Variants in MTHFD1L observed in about 807,000 individuals in gnomAD.
MTHFD1L encodes the protein methylenetetrahydrofolate dehydrogenase (NADP+ dependent) 1 like.
Under a neutral mutation model 119.5 loss-of-function variants are expected in MTHFD1L, and 81 were observed. The ratio of observed to expected loss-of-function variants is 0.68; its 90% CI spans 0.57 to 0.82. MTHFD1L has a LOEUF of 0.82. MTHFD1L is among the 40% of genes least tolerant of loss of function. The pLI, the probability that MTHFD1L is intolerant of heterozygous loss-of-function variation, is 0.00. For missense variants in MTHFD1L, 1,125 were observed against 1,253.4 expected (o/e 0.90, Z 1.55); for synonymous variants, 430 against 475.2 (o/e 0.90, Z 1.24).
chr6:151,065,188 C>G (rs1791102691), intron 26 of MTHFD1L, among the ~76,000 whole-genome samples: 1 of 152,158 alleles, frequency 6.6e-6, no homozygotes. Flanking sequence ...GCATGCCACT[C>G]CAGTCTGACA....
chr6:150,952,797 C>T (rs887887499), intron 16 of MTHFD1L, among the ~76,000 whole-genome samples: 4 of 152,190 alleles, frequency 2.6e-5, no homozygotes, highest in Middle Eastern at 3.4e-3. Flanking sequence ...CGAAGTGCTG[C>T]GATTACAGGC....
intron 19 of MTHFD1L, among the ~76,000 whole-genome samples, chr6:150,967,589 C>G (rs1184853470): frequency 6.6e-6 from 1 of 152,212 alleles, no homozygotes; most frequent in Non-Finnish European, 1.5e-5. Context: ...TTCCTTCCAG[C>G]TCGCTGCTTC....
chr6:151,009,823 C>G lies in MTHFD1L; in HGVS notation c.2130C>G (p.Thr710=), dbSNP rs761268026. Reference sequence around the variant, plus strand: ...ATTCCACTTGCTTCCCCACAGTGACCGAAGCTGGCTTTGGTGCTGACATCG... The same window carrying G: ...ATTCCACTTGCTTCCCCACAGTGACGGAAGCTGGCTTTGGTGCTGACATCG... ...KLVGEEGFVV[T]EAGFGADIGM... is the part of the protein sequence containing the mutation. Residue 710 remains threonine (T), a synonymous_variant, in exon 21 of 28, where the codon ACC becomes ACG. Coordinates refer to ENST00000367321, the MANE Select transcript of MTHFD1L (RefSeq NM_015440.5). The G allele has an allele frequency of 1.9e-5, 31 of 1,613,414 alleles. No individual in the cohort carries two copies. The highest frequency in any genetic ancestry group is 2.5e-5 in the Non-Finnish European group (30 of 1,179,766).
At chr6:150,984,775 T>A (rs1427622015) in intron 20 of MTHFD1L, among the ~76,000 whole-genome samples, 5 of 152,206 alleles carry the variant, frequency 3.3e-5, no homozygotes, top group African/African-American at 1.2e-4. Flanking sequence ...TCTTACAATC[T>A]GTCTTTCAAA....
intron 8 of MTHFD1L, among the ~76,000 whole-genome samples, chr6:150,910,495 G>A (rs1215966489): frequency 2.0e-5 from 3 of 151,296 alleles, no homozygotes; most frequent in East Asian, 3.9e-4. Flanking sequence ...CCCAGGAGGT[G>A]GAGGTTACGG....
At chr6:151,019,012 C>T (rs999284924) in intron 24 of MTHFD1L, among the ~76,000 whole-genome samples, 12 of 152,310 alleles carry the variant, frequency 7.9e-5, no homozygotes, top group African/African-American at 2.2e-4. Context: ...AGGTGTTCAG[C>T]GCAAAATAGA....
chr6:151,083,390 G>A (rs1012582408), intron 26 of MTHFD1L, among the ~76,000 whole-genome samples: 1 of 152,138 alleles, frequency 6.6e-6, no homozygotes, highest in Non-Finnish European at 1.5e-5. Flanking sequence ...TAGAGATGGA[G>A]TTTCACCATG....
At chr6:151,066,625 C>T (rs967067863) in intron 26 of MTHFD1L, among the ~76,000 whole-genome samples, 6 of 151,270 alleles carry the variant, frequency 4.0e-5, no homozygotes, top group South Asian at 2.1e-4. Flanking sequence ...ATTAGCCAGG[C>T]GTGGTGGCAG....
rs368573823 is a variant in MTHFD1L, at chr6:150,880,727, A to G, written c.418-2035A>G. On this transcript the variant is annotated intron_variant, in intron 4 of 27. Transcript: ENST00000367321. ...TAATCTGCATTCCCACCAACAGTGTACAAGAGCTCCCCTTTCCACATATCC... is the reference window on the plus strand; with the variant it reads ...TAATCTGCATTCCCACCAACAGTGTGCAAGAGCTCCCCTTTCCACATATCC... Among the ~76,000 whole-genome samples, 5 of 152,350 alleles carry G rather than the reference A, an allele frequency of 3.3e-5. No homozygotes were observed. The East Asian group carries it at 7.7e-4, about 23-fold the overall frequency.
chr6:150,920,198 G>C (rs2128891609), intron 9 of MTHFD1L, among the ~76,000 whole-genome samples: 1 of 152,322 alleles, frequency 6.6e-6, no homozygotes, highest in East Asian at 1.9e-4. Flanking sequence ...CTGTTTGTTA[G>C]AAGTAGATCA....
chr6:151,044,981 C>G (rs1787749555), intron 26 of MTHFD1L, among the ~76,000 whole-genome samples: 1 of 152,210 alleles, frequency 6.6e-6, no homozygotes, highest in African/African-American at 2.4e-5. Flanking sequence ...GTCCCCCTCC[C>G]TCTACTGTAA....
intron 11 of MTHFD1L, among the ~76,000 whole-genome samples, chr6:150,934,289 G>A (rs991450475): frequency 6.6e-6 from 1 of 152,146 alleles, no homozygotes; most frequent in Non-Finnish European, 1.5e-5. Context: ...TCCACTCTCA[G>A]TTTTATCTAG....
At chr6:150,940,155 G>A (rs148095749) in intron 13 of MTHFD1L, among the ~76,000 whole-genome samples, 199 of 152,244 alleles carry the variant, frequency 1.3e-3, no homozygotes, top group Non-Finnish European at 2.0e-3. Context: ...TGGCTGTGGC[G>A]AGTTGCGGGC....
rs1170553631 is a variant in MTHFD1L at position 151,043,258 on chromosome 6, C to CTTTTTTTTTTTTT, written c.2847+6153_2847+6165dup. Among the ~76,000 whole-genome samples, 3 of 78,886 alleles carry CTTTTTTTTTTTTT rather than the reference C, an allele frequency of 3.8e-5. 1 individual carries two copies. The highest frequency in any genetic ancestry group is 6.7e-5 in the Non-Finnish European group (3 of 44,630). 51.8% of individuals were successfully genotyped at this position (78,886 alleles called of 152,430 possible). On this transcript the variant is annotated intron_variant, in intron 26 of 27. Transcript: ENST00000367321. ...CTTCTTTCTTCTCACAGTGTTTTCT[C>CTTTTTTTTTTTTT]TTTTTTTTTTTTTTTTTTTTTTTTG...
intron 27 of MTHFD1L, among the ~76,000 whole-genome samples, chr6:151,094,602 G>C (rs1343465742): frequency 6.6e-6 from 1 of 152,028 alleles, no homozygotes; most frequent in Non-Finnish European, 1.5e-5. Context: ...GGAGTGCAGC[G>C]GCACTGTGTG....
intron 20 of MTHFD1L, among the ~76,000 whole-genome samples, chr6:150,981,677 T>G (rs1777519016): frequency 6.6e-6 from 1 of 152,216 alleles, no homozygotes; most frequent in South Asian, 2.1e-4. Context: ...CATAAACTAG[T>G]CCATGTTTAG....
intron 26 of MTHFD1L, among the ~76,000 whole-genome samples, chr6:151,041,211 A>G (rs1787050783): frequency 6.6e-6 from 1 of 152,222 alleles, no homozygotes; most frequent in Non-Finnish European, 1.5e-5. Context: ...TCTATGACAG[A>G]GCAGGAAGCT....
Position 151,034,592 on chromosome 6 carries a change from A to G in MTHFD1L, c.2686A>G (p.Thr896Ala), listed in dbSNP as rs780400186. 20 of 1,605,336 alleles carry G rather than the reference A, an allele frequency of 1.2e-5. No individual in the cohort carries two copies. Among genetic ancestry groups the G allele is most frequent in the African/African-American group, 5.4e-5 (4 of 74,690 alleles). ...GGCACAAGCCAAAATAGATCGTTAC[A>G]CTCAACAGGTAAAAGTTCTACTTTT... ...PEAQAKIDRY[T>A]QQGFGNLPIC... Residue 896 changes from threonine to alanine, a missense_variant, in exon 25 of 28, where the codon ACT becomes GCT. Thr to Ala is a moderately conservative substitution (Grantham distance 58). Transcript: ENST00000367321.
intron 7 of MTHFD1L, among the ~76,000 whole-genome samples, chr6:150,899,426 C>T (rs1045050849): frequency 7.2e-5 from 11 of 152,298 alleles, no homozygotes; most frequent in Middle Eastern, 3.4e-3. Flanking sequence ...ACTGGGTGGA[C>T]GTGAAGTGGG....
Sources: gnomAD v4.1 joint callset for allele counts (sites outside exome capture counted in the v4.1 genomes callset) on GRCh38, gnomAD v4.1.1 for gene constraint, MANE v1.5 for transcripts, NCBI Gene and HGNC (gene_info 2026-07-23, HGNC 2026-07-21) for gene names.